NTRK2: variants seen among roughly 807,000 people sequenced by gnomAD.
NTRK2 encodes the protein BDNF/NT-3 growth factors receptor.
A neutral mutation model predicts 94.5 loss-of-function variants in NTRK2; 13 were observed. That is an observed-to-expected ratio of 0.14 (90% CI 0.09 to 0.22). The LOEUF (loss-of-function observed/expected upper bound fraction) is 0.22, where lower values mean the gene tolerates loss of function less well. Among genes scored for constraint, NTRK2 ranks in the 10% least tolerant of loss-of-function variants. NTRK2 has a pLI of 1.00. For missense variants in NTRK2, 639 were observed against 1,071.2 expected, an observed-to-expected ratio of 0.60 and a Z score of 5.63; for synonymous variants, 372 against 407.4, an observed-to-expected ratio of 0.91 and a Z score of 1.05.
intron 11 of NTRK2, among the ~76,000 whole-genome samples, 160 bp from the exon 12 acceptor site, chr9:84,751,824 GAT>G (rs2064645475): frequency 2.0e-5 from 3 of 152,196 alleles, no homozygotes; most frequent in Non-Finnish European, 4.4e-5. Context: ...GGTTGTCGCA[GAT>G]TAAGTGAGTT....
chr9:84,803,811 G>A (rs1009286303), intron 12 of NTRK2, among the ~76,000 whole-genome samples: 1 of 152,092 alleles, frequency 6.6e-6, no homozygotes, highest in African/African-American at 2.4e-5. Flanking sequence ...TTCGCATTCC[G>A]GAATACTTGC....
chr9:84,698,000 A>T (rs567855098), intron 2 of NTRK2, among the ~76,000 whole-genome samples: 63 of 152,330 alleles, frequency 4.1e-4, no homozygotes, highest in African/African-American at 1.5e-3. Context: ...TAAAAATTCA[A>T]AAAAGTATAA....
chr9:84,814,124 G>A, intron 12 of NTRK2: 1 of 1,065,432 alleles, frequency 9.4e-7, no homozygotes, highest in East Asian at 5.0e-5. Context: ...TGACCCACTA[G>A]GTTTTCTTTC....
chr9:84,864,736 C>CTTTTTTTTTTTTTT (rs71369154), intron 13 of NTRK2, among the ~76,000 whole-genome samples: 1 of 104,590 alleles, frequency 9.6e-6, no homozygotes, highest in Non-Finnish European at 1.8e-5. Flanking sequence ...TCTTAATTTT[C>CTTTTTTTTTTTTTT]TTTTTTTTTT....
At chr9:84,958,716 C>T (rs374321440) in intron 17 of NTRK2, among the ~76,000 whole-genome samples, 1 of 152,156 alleles carries the variant, frequency 6.6e-6, no homozygotes, top group Non-Finnish European at 1.5e-5. Flanking sequence ...CAAAACCTGA[C>T]AATTTGCTAG....
At chr9:84,712,221 C>A (rs1364392331) in intron 6 of NTRK2, among the ~76,000 whole-genome samples, 1 of 152,118 alleles carries the variant, frequency 6.6e-6, no homozygotes, top group African/African-American at 2.4e-5. Flanking sequence ...TGCCTGAAAC[C>A]AATTTCATTT....
chr9:84,761,424 T>C (rs777547615), intron 12 of NTRK2, among the ~76,000 whole-genome samples: 27 of 152,272 alleles, frequency 1.8e-4, no homozygotes, highest in Admixed American at 7.2e-4. Flanking sequence ...CAACTGAGCC[T>C]TTCCTGCACT....
At chr9:84,821,098 GTTTTC>G (rs2072786309) in intron 12 of NTRK2, among the ~76,000 whole-genome samples, 1 of 151,756 alleles carries the variant, frequency 6.6e-6, no homozygotes, top group East Asian at 1.9e-4. Context: ...CTTGTAACCT[GTTTTC>G]TTTTTTTTAT....
In NTRK2 at chr9:84,944,207, TCTCTCTCTCA is replaced by T. The variant is rs1372464047; in HGVS notation, c.1765-4253_1765-4244del. Among the ~76,000 whole-genome samples, 3 of 140,050 alleles carry T rather than the reference TCTCTCTCTCA, an allele frequency of 2.1e-5. No individual in the cohort carries two copies. In the Admixed American group the frequency reaches 2.1e-4, roughly 10 times the overall value. 91.9% of individuals were successfully genotyped at this position (140,050 alleles called of 152,430 possible). A position where few individuals can be genotyped will look rare whatever the true frequency, so the allele number is the denominator to read the frequency against. ...GAAAAGCTTGTTCTCTCTCTCTCTC[TCTCTCTCTCA>T]CACACACACACACACACACACACAC... On this transcript the variant is annotated intron_variant, in intron 15 of 18. Coordinates refer to ENST00000277120, the MANE Select transcript of NTRK2 (RefSeq NM_006180.6).
intron 2 of NTRK2, among the ~76,000 whole-genome samples, chr9:84,689,738 C>T (rs1047407453): frequency 6.6e-6 from 1 of 152,126 alleles, no homozygotes; most frequent in Admixed American, 6.5e-5. Context: ...GAACTCTTTA[C>T]ACCTGGAATA....
In NTRK2 at chr9:84,809,343, T is replaced by C. The variant is rs981370581; in HGVS notation, c.1397-51697T>C. Among the ~76,000 whole-genome samples, 7 of 151,068 alleles carry C rather than the reference T, an allele frequency of 4.6e-5. No homozygotes were observed. In the South Asian group the frequency reaches 1.3e-3, roughly 27 times the overall value. ...AACATTTATCACAGCGTCTACTGTT[T>C]GGTTGGTGCTTAACAAATGTAGGAT... is the stretch of plus-strand genomic sequence containing the variant. On this transcript the variant is annotated intron_variant, in intron 12 of 18. Transcript: ENST00000277120.
intron 11 of NTRK2, among the ~76,000 whole-genome samples, chr9:84,745,568 G>A (rs546046635): frequency 3.7e-4 from 57 of 152,336 alleles, no homozygotes; most frequent in Admixed American, 8.5e-4. Flanking sequence ...TAGAAGCAGA[G>A]CAAGGCAGTA....
chr9:84,948,853 C>A (rs552664531), intron 16 of NTRK2, among the ~76,000 whole-genome samples: 1 of 152,322 alleles, frequency 6.6e-6, no homozygotes, highest in South Asian at 2.1e-4. Context: ...TGCAAATGAT[C>A]CAACTCAATT....
At chr9:84,819,290 T>C (rs1303769713) in intron 12 of NTRK2, among the ~76,000 whole-genome samples, 2 of 152,212 alleles carry the variant, frequency 1.3e-5, no homozygotes, top group Non-Finnish European at 2.9e-5. Flanking sequence ...AGGATTTTAA[T>C]TCAGCCTCAA....
chr9:84,793,138 T>C (rs78459715), intron 12 of NTRK2, among the ~76,000 whole-genome samples: 3,929 of 152,296 alleles, frequency 0.026, 76 homozygotes, highest in Admixed American at 0.046. Flanking sequence ...TTTTCTCTAT[T>C]TGCAGTCACT....
At chr9:84,864,244 G>A (rs1368804277) in intron 13 of NTRK2, among the ~76,000 whole-genome samples, 7 of 152,044 alleles carry the variant, frequency 4.6e-5, no homozygotes, top group Non-Finnish European at 8.8e-5. Flanking sequence ...TGGTTCCAGG[G>A]GCTCCAGAAG....
chr9:84,994,088 C>T (rs920565650), intron 17 of NTRK2, among the ~76,000 whole-genome samples: 4 of 152,196 alleles, frequency 2.6e-5, no homozygotes, highest in African/African-American at 7.2e-5. Flanking sequence ...TAAAGGGTTA[C>T]TTCCAAGCGC....
intron 5 of NTRK2, among the ~76,000 whole-genome samples, chr9:84,710,116 C>T (rs1000661474): frequency 3.9e-5 from 6 of 152,142 alleles, no homozygotes; most frequent in African/African-American, 1.4e-4. Context: ...GGGTGCCAGC[C>T]TTCTGGCATT....
chr9:84,842,868 A>G (rs1478394435), intron 12 of NTRK2, among the ~76,000 whole-genome samples: 1 of 152,240 alleles, frequency 6.6e-6, no homozygotes, highest in Admixed American at 6.5e-5. Flanking sequence ...CCAGTTTTCC[A>G]GAAGTTTATG....
Sources: allele counts gnomAD v4.1 joint callset (sites outside exome capture counted in the v4.1 genomes callset), GRCh38; gene constraint gnomAD v4.1.1; transcripts MANE v1.5; gene names NCBI Gene and HGNC (gene_info 2026-07-23, HGNC 2026-07-21).